ITGA1: variants seen among roughly 807,000 people sequenced by gnomAD.
The protein encoded by ITGA1 is integrin alpha-1.
In ITGA1, 85 loss-of-function variants were observed where a neutral mutation model predicts 145.9. That is an observed-to-expected ratio of 0.58 (90% CI 0.49 to 0.70). The LOEUF (loss-of-function observed/expected upper bound fraction) is 0.70, where lower values mean the gene tolerates loss of function less well. ITGA1 is among the 30% of genes least tolerant of loss of function. ITGA1 has a pLI of 0.00. For synonymous variants in ITGA1, 520 were observed against 495.3 expected, an observed-to-expected ratio of 1.05 and a Z score of -0.66; for missense variants, 1,351 against 1,418.7, an observed-to-expected ratio of 0.95 and a Z score of 0.77.
rs573962361 is a variant in ITGA1, at chr5:52,940,199, G to A, written c.3285+255G>A. ...TCAATCTCTCTTATCCTTTTTCTTT[G>A]TACTTTAAGAGATAAATACCTTTCC... is the stretch of plus-strand genomic sequence containing the variant. On this transcript the variant is annotated intron_variant, in intron 26 of 28. Transcript: ENST00000282588. Among the ~76,000 whole-genome samples the A allele has an allele frequency of 2.3e-4, 35 of 151,944 alleles. No individual in the cohort carries two copies. In the South Asian group the frequency reaches 7.1e-3, roughly 31 times the overall value.
At chr5:52,828,041 A>G (rs771154910) in intron 1 of ITGA1, among the ~76,000 whole-genome samples, 6 of 152,296 alleles carry the variant, frequency 3.9e-5, no homozygotes, top group African/African-American at 1.4e-4. Context: ...TCATGTATCT[A>G]TTTAGCAGTT....
At chr5:52,926,211 G>A (rs1750804126) in intron 19 of ITGA1, among the ~76,000 whole-genome samples, 2 of 152,100 alleles carry the variant, frequency 1.3e-5, no homozygotes, top group South Asian at 4.1e-4. Context: ...TTTCATGGAC[G>A]TTTCTCTCTA....
At chr5:52,939,967 G>T (rs769417486) in intron 26 of ITGA1, 23 bp downstream of exon 26, 7 of 1,225,388 alleles carry the variant, frequency 5.7e-6, no homozygotes, top group Admixed American at 1.7e-5. Context: ...ATAGTTCTAT[G>T]CACTTATTGA....
At chr5:52,860,155 T>C (rs563414900) in intron 2 of ITGA1, among the ~76,000 whole-genome samples, 42 of 152,344 alleles carry the variant, frequency 2.8e-4, no homozygotes, top group African/African-American at 9.9e-4. Flanking sequence ...TAAGTATGTA[T>C]ATTGATATAC....
intron 8 of ITGA1, among the ~76,000 whole-genome samples, chr5:52,892,329 A>AC (rs1223838020): frequency 2.0e-5 from 3 of 152,140 alleles, no homozygotes; most frequent in African/African-American, 7.2e-5. Context: ...AACAAAAAAA[A>AC]CTGACAATAA....
chr5:52,899,339 C>T (rs569047460), intron 11 of ITGA1, among the ~76,000 whole-genome samples: 37 of 152,222 alleles, frequency 2.4e-4, no homozygotes, highest in African/African-American at 8.9e-4. Flanking sequence ...TATACATCTC[C>T]TTATTGAAGG....
chr5:52,927,995 A>C (rs1750838463), intron 20 of ITGA1, among the ~76,000 whole-genome samples: 2 of 152,168 alleles, frequency 1.3e-5, no homozygotes. Flanking sequence ...ATGTCAGAAC[A>C]CATAGCAGGT....
intron 17 of ITGA1, among the ~76,000 whole-genome samples, chr5:52,922,039 G>T (rs752499207): frequency 6.6e-6 from 1 of 152,088 alleles, no homozygotes; most frequent in Non-Finnish European, 1.5e-5. Context: ...GGTGGCTCAC[G>T]CCTGTAATCC....
At chr5:52,888,482 G>A (rs1750090754) in intron 8 of ITGA1, among the ~76,000 whole-genome samples, 1 of 152,170 alleles carries the variant, frequency 6.6e-6, no homozygotes, top group Non-Finnish European at 1.5e-5. Flanking sequence ...TAAAGTGGGG[G>A]AAAGTGCCAG....
At chr5:52,803,873 T>C (rs1037910185) in intron 1 of ITGA1, 2 of 152,172 alleles carry the variant, frequency 1.3e-5, no homozygotes, top group African/African-American at 2.4e-5. Context: ...AGGTTATTCT[T>C]CCTGTGCTGG....
chr5:52,791,552 A>G (rs968503455), intron 1 of ITGA1, among the ~76,000 whole-genome samples: 24 of 152,242 alleles, frequency 1.6e-4, no homozygotes, highest in African/African-American at 5.5e-4. Context: ...AAATGGCAAG[A>G]TCCAACCTTC....
chr5:52,875,600 C>T (rs944764967), intron 6 of ITGA1, among the ~76,000 whole-genome samples: 2 of 152,156 alleles, frequency 1.3e-5, no homozygotes, highest in Non-Finnish European at 2.9e-5. Context: ...GCATGTGACT[C>T]CTTATCCCCC....
chr5:52,808,668 C>CTTTT (rs1748634517), intron 1 of ITGA1, among the ~76,000 whole-genome samples: 4 of 40,848 alleles, frequency 9.8e-5, no homozygotes, highest in Admixed American at 2.8e-4. Context: ...CTTTTTCTTT[C>CTTTT]TTTCTTTCTT....
rs112218340 is a variant in ITGA1, at chr5:52,857,256, G to A, written c.183-4191G>A. Among the ~76,000 whole-genome samples the A allele has an allele frequency of 6.9e-3, 1,050 of 152,154 alleles. 10 individuals carry two copies. Among genetic ancestry groups the A allele is most frequent in the African/African-American group, 0.02 (843 of 41,516 alleles). ...ACTGCTCAATACTGGGCTGCTCAGC[G>A]TGCTGCCTAGGGAATGGTCGCTCTT... On this transcript the variant is annotated intron_variant, in intron 2 of 28. Coordinates refer to ENST00000282588, the MANE Select transcript of ITGA1 (RefSeq NM_181501.2).
chr5:52,852,657 T>A (rs1196520341), intron 2 of ITGA1, among the ~76,000 whole-genome samples: 1 of 152,132 alleles, frequency 6.6e-6, no homozygotes, highest in Non-Finnish European at 1.5e-5. Flanking sequence ...TTCTAGGTAG[T>A]TGGAAACCTC....
At chr5:52,872,147 TA>T (rs750530418) in intron 6 of ITGA1, among the ~76,000 whole-genome samples, 24 of 152,256 alleles carry the variant, frequency 1.6e-4, no homozygotes, top group Admixed American at 7.8e-4. Context: ...ACAGAGAAAT[TA>T]ATTAAATTTT....
intron 7 of ITGA1, among the ~76,000 whole-genome samples, chr5:52,883,813 A>G (rs1750003681): frequency 6.6e-6 from 1 of 152,236 alleles, no homozygotes. Context: ...GGATACTGGT[A>G]CTTTGAGGAC....
At chr5:52,850,255 C>T (rs1320565266) in intron 2 of ITGA1, among the ~76,000 whole-genome samples, 1 of 152,108 alleles carries the variant, frequency 6.6e-6, no homozygotes, top group African/African-American at 2.4e-5. Context: ...CCACCTCAGC[C>T]TCCGAAAGTG....
intron 1 of ITGA1, among the ~76,000 whole-genome samples, chr5:52,837,242 G>T (rs1179744966): frequency 6.6e-6 from 1 of 152,150 alleles, no homozygotes; most frequent in Non-Finnish European, 1.5e-5. Flanking sequence ...CCTGACACTG[G>T]ACGAACAAAG....
Sources: allele counts gnomAD v4.1 joint callset (sites outside exome capture counted in the v4.1 genomes callset), GRCh38; gene constraint gnomAD v4.1.1; transcripts MANE v1.5; gene names NCBI Gene and HGNC (gene_info 2026-07-23, HGNC 2026-07-21).